Variants in WHRN observed in about 807,000 individuals in gnomAD.
WHRN encodes CASK-interacting protein CIP98.
Under a neutral mutation model 68.3 loss-of-function variants are expected in WHRN, and 41 were observed. That is an observed-to-expected ratio of 0.60 (90% CI 0.47 to 0.78). The LOEUF is 0.78. WHRN is among the 30% of genes least tolerant of loss of function. The pLI is 0.00. For synonymous variants in WHRN, 560 were observed against 561.3 expected (o/e 1.00, Z 0.03); for missense variants, 1,243 against 1,244.7 (o/e 1.00, Z 0.02).
Position 114,478,688 on chromosome 9 carries a change from G to A in WHRN, c.702C>T (p.Tyr234=). Reference sequence around the variant, plus strand: ...TGCGGCCCTGCGGGTCCACCCAGGTGTAGATGTGGTTGGTGACGTAGCCCC... The same window carrying A: ...TGCGGCCCTGCGGGTCCACCCAGGTATAGATGTGGTTGGTGACGTAGCCCC... ...IPGGYVTNHI[Y]TWVDPQGRSI... The change falls in exon 2 of 12, where the codon TAC becomes TAT. Residue 234 remains tyrosine (Y), a synonymous_variant. Transcript: ENST00000362057. 6.2e-7 allele frequency: 1 copy of A among 1,613,180 alleles called. No individual in the cohort carries two copies. The highest frequency in any genetic ancestry group is 8.5e-7 in the Non-Finnish European group (1 of 1,179,996).
intron 3 of WHRN, among the ~76,000 whole-genome samples, chr9:114,450,699 C>A (rs1183553254): frequency 6.6e-6 from 1 of 152,134 alleles, no homozygotes; most frequent in Non-Finnish European, 1.5e-5. Flanking sequence ...AATGAGGAAA[C>A]CGAGTCTCAG....
intron 3 of WHRN, among the ~76,000 whole-genome samples, chr9:114,438,942 G>A (rs917871036): frequency 5.3e-5 from 8 of 152,150 alleles, no homozygotes; most frequent in African/African-American, 1.7e-4. Context: ...CACGGCTGTC[G>A]AAAAGAATGA....
chr9:114,484,738 C>T (rs544018255), intron 1 of WHRN, among the ~76,000 whole-genome samples: 10 of 152,282 alleles, frequency 6.6e-5, no homozygotes, highest in South Asian at 2.1e-4. Flanking sequence ...TCTGGCAGCA[C>T]GTTATGATTA....
chr9:114,458,817 G>A (rs1840015996), intron 3 of WHRN, among the ~76,000 whole-genome samples: 1 of 152,260 alleles, frequency 6.6e-6, no homozygotes, highest in Non-Finnish European at 1.5e-5. Flanking sequence ...CCCAGGTGTT[G>A]TGCTGGTAAG....
chr9:114,427,630 A>T (rs1185747994), intron 3 of WHRN, among the ~76,000 whole-genome samples: 1 of 152,200 alleles, frequency 6.6e-6, no homozygotes, highest in Non-Finnish European at 1.5e-5. Context: ...GGAGCTTGGG[A>T]GAAAAGAAGA....
At chr9:114,463,527 C>T (rs925592248) in intron 3 of WHRN, among the ~76,000 whole-genome samples, 3 of 152,158 alleles carry the variant, frequency 2.0e-5, no homozygotes, top group Admixed American at 6.5e-5. Context: ...AGTGGAGAAA[C>T]TGTGAATAAG....
At chr9:114,465,028 C>T (rs150918835) in intron 3 of WHRN, among the ~76,000 whole-genome samples, 181 of 152,224 alleles carry the variant, frequency 1.2e-3, no homozygotes, top group African/African-American at 4.0e-3. Flanking sequence ...TGTTATTATA[C>T]AGGAAAGGGA....
rs1259696144 is a variant in WHRN at position 114,457,994 on chromosome 9, T to C, written c.963+8273A>G. Among the ~76,000 whole-genome samples, 5 of 151,890 alleles carry C rather than the reference T, an allele frequency of 3.3e-5. No homozygotes were observed. In the South Asian group the frequency reaches 8.3e-4, roughly 25 times the overall value. On this transcript the variant is annotated intron_variant, in intron 3 of 11. Coordinates refer to ENST00000362057, the MANE Select transcript of WHRN (RefSeq NM_015404.4). ...TGTGGTTTCAAAATATCTCTATCAG[T>C]GTACTTCATAATTATAAAGGGAAAA... is the stretch of plus-strand genomic sequence containing the variant.
chr9:114,423,228 T>C lies in WHRN; in HGVS notation c.1626+86A>G. On this transcript the variant is annotated intron_variant, in intron 7 of 11. Coordinates refer to ENST00000362057, the MANE Select transcript of WHRN (RefSeq NM_015404.4). Reference sequence around the variant, plus strand: ...CAGCTGGTAAGTGGTGGTGCTGGGATTCGAACTCAGGCTGGTCTCACTCCA... The same window carrying C: ...CAGCTGGTAAGTGGTGGTGCTGGGACTCGAACTCAGGCTGGTCTCACTCCA... 4 of 1,404,718 alleles carry C rather than the reference T, an allele frequency of 2.8e-6. No individual in the cohort carries two copies. The South Asian group carries it at 4.6e-5, about 16-fold the overall frequency. The allele number at this position is 1,404,718 out of a possible 1,614,324, so 87.0% of individuals were successfully genotyped here.
intron 9 of WHRN, among the ~76,000 whole-genome samples, chr9:114,406,093 G>A (rs117497450): frequency 4.6e-5 from 7 of 152,360 alleles, no homozygotes; most frequent in Non-Finnish European, 8.8e-5. Context: ...CCCGACGCTC[G>A]CAGCAACCTG....
chr9:114,477,954 T>G (rs562854649), intron 2 of WHRN, among the ~76,000 whole-genome samples: 1 of 151,554 alleles, frequency 6.6e-6, no homozygotes, highest in East Asian at 1.9e-4. Context: ...TCCTGGGAGG[T>G]AGAAAGGGGA....
At chr9:114,486,513 T>A (rs142290711) in intron 1 of WHRN, among the ~76,000 whole-genome samples, 34 of 152,314 alleles carry the variant, frequency 2.2e-4, no homozygotes, top group African/African-American at 6.5e-4. Context: ...CATCCATTCA[T>A]TCATCGTTGA....
chr9:114,432,558 C>T (rs888341016), intron 3 of WHRN, among the ~76,000 whole-genome samples: 3 of 152,218 alleles, frequency 2.0e-5, no homozygotes, highest in Admixed American at 6.5e-5. Flanking sequence ...ACTAATTCTA[C>T]ACTCTGTCAC....
At chr9:114,418,126 G>A (rs1240168512) in intron 7 of WHRN, among the ~76,000 whole-genome samples, 1 of 152,228 alleles carries the variant, frequency 6.6e-6, no homozygotes, top group Non-Finnish European at 1.5e-5. Flanking sequence ...CAACATGGGT[G>A]TGCATGGCTA....
At chr9:114,431,459 TCTC>T (rs1837416597) in intron 3 of WHRN, among the ~76,000 whole-genome samples, 1 of 152,164 alleles carries the variant, frequency 6.6e-6, no homozygotes, top group East Asian at 1.9e-4. Flanking sequence ...AGCCTAATCT[TCTC>T]ATCTTCTTCC....
rs142225117 is a variant in WHRN at position 114,483,926 on chromosome 9, T to G, written c.619-5155A>C. Reference sequence around the variant, plus strand: ...GGGCTCTGGGACACCCAGGGATAACTCCAGGCAGGCTGAGGGTTGCACCTA... The same window carrying G: ...GGGCTCTGGGACACCCAGGGATAACGCCAGGCAGGCTGAGGGTTGCACCTA... On this transcript the variant is annotated intron_variant, in intron 1 of 11. Transcript: ENST00000362057. Among the ~76,000 whole-genome samples, 63 of 152,286 alleles carry G rather than the reference T, an allele frequency of 4.1e-4. No individual in the cohort carries two copies. The East Asian group carries it at 7.1e-3, about 17-fold the overall frequency.
rs140344596 is a variant in WHRN at position 114,402,866 on chromosome 9, G to A, written c.2612C>T (p.Thr871Met). 2.2e-5 allele frequency: 35 copies of A among 1,614,026 alleles called. No individual in the cohort carries two copies. The South Asian group carries it at 2.7e-4, about 13-fold the overall frequency. Residue 871 changes from threonine to methionine, a missense_variant, in exon 12 of 12, where the codon ACG becomes ATG. By Grantham distance (81) the Thr-to-Met change is moderately conservative. Transcript: ENST00000362057. ...GHVILEVNGL[T>M]LRGKEHREAA... The stretch of plus-strand genomic sequence containing the variant: ...CTCCCGGTGCTCCTTGCCCCGAAGC[G>A]TCAGCCCATTCACTTCCAGAATCAC...
chr9:114,430,074 C>T (rs1239229926), intron 3 of WHRN, among the ~76,000 whole-genome samples: 1 of 152,214 alleles, frequency 6.6e-6, no homozygotes, highest in Non-Finnish European at 1.5e-5. Context: ...TTTTAATCTT[C>T]CCTTTAACAC....
chr9:114,450,078 C>T (rs1163279805), intron 3 of WHRN, among the ~76,000 whole-genome samples: 7 of 152,124 alleles, frequency 4.6e-5, no homozygotes, highest in Non-Finnish European at 8.8e-5. Context: ...GTGGCTACTG[C>T]ACCTCAGGGA....
Sources: gnomAD v4.1 joint callset for allele counts (sites outside exome capture counted in the v4.1 genomes callset) on GRCh38, gnomAD v4.1.1 for gene constraint, MANE v1.5 for transcripts, NCBI Gene and HGNC (gene_info 2026-07-23, HGNC 2026-07-21) for gene names.